DAAM1: variants seen among roughly 807,000 people sequenced by gnomAD.
The protein encoded by DAAM1 is disheveled-associated activator of morphogenesis 1.
Under a neutral mutation model 130.0 loss-of-function variants are expected in DAAM1, and 52 were observed. That is an observed-to-expected ratio of 0.40 (90% CI 0.32 to 0.50). The LOEUF (loss-of-function observed/expected upper bound fraction) is 0.50. Among genes scored for constraint, DAAM1 ranks in the 20% least tolerant of loss-of-function variants. DAAM1 has a pLI of 0.61. For missense variants in DAAM1, 1,134 were observed against 1,303.8 expected, an observed-to-expected ratio of 0.87 and a Z score of 2.01; for synonymous variants, 452 against 444.5, an observed-to-expected ratio of 1.02 and a Z score of -0.21.
chr14:59,321,921 G>C (rs922370060), intron 5 of DAAM1, among the ~76,000 whole-genome samples: 3 of 152,100 alleles, frequency 2.0e-5, no homozygotes, highest in Non-Finnish European at 4.4e-5. Context: ...CTTTTCGGTG[G>C]CTTTAATATG....
intron 2 of DAAM1, among the ~76,000 whole-genome samples, chr14:59,282,350 A>G (rs1407391564): frequency 6.6e-6 from 1 of 152,184 alleles, no homozygotes; most frequent in Admixed American, 6.6e-5. Context: ...AATTTAATAG[A>G]TAGATATTCA....
At chr14:59,239,924 A>C (rs1420034788) in intron 1 of DAAM1, among the ~76,000 whole-genome samples, 1 of 152,202 alleles carries the variant, frequency 6.6e-6, no homozygotes, top group East Asian at 1.9e-4. Flanking sequence ...TGATAGGCTT[A>C]TTTAAGACTC....
At chr14:59,365,715 A>G (rs540834280) in intron 23 of DAAM1, among the ~76,000 whole-genome samples, 1 of 152,208 alleles carries the variant, frequency 6.6e-6, no homozygotes, top group Non-Finnish European at 1.5e-5. Context: ...AAAACCAATT[A>G]TAAGCTGTTT....
chr14:59,350,639 C>T lies in DAAM1; in HGVS notation c.2161-1887C>T, dbSNP rs142257452. Reference sequence around the variant, plus strand: ...CTAGAGCTCTTCTCAGGGGCACTTGCAACTTCCCTGTTGCCGGAGCCAGGG... The same window carrying T: ...CTAGAGCTCTTCTCAGGGGCACTTGTAACTTCCCTGTTGCCGGAGCCAGGG... On this transcript the variant is annotated intron_variant, in intron 17 of 24. Transcript: ENST00000360909. Among the ~76,000 whole-genome samples, 9 of 152,210 alleles carry T rather than the reference C, an allele frequency of 5.9e-5. 1 individual carries two copies. Among genetic ancestry groups the T allele is most frequent in the African/African-American group, 2.2e-4 (9 of 41,522 alleles).
chr14:59,299,860 T>C (rs1884102528), intron 3 of DAAM1: 1 of 152,096 alleles, frequency 6.6e-6, no homozygotes. Flanking sequence ...CCAGAGAAAG[T>C]CAGCCTGCAC....
intron 2 of DAAM1, among the ~76,000 whole-genome samples, chr14:59,267,526 G>T (rs1361388869): frequency 6.6e-6 from 1 of 151,920 alleles, no homozygotes; most frequent in Non-Finnish European, 1.5e-5. Context: ...GCTTTATTGA[G>T]AAATAATTCA....
Position 59,314,003 on chromosome 14 carries a change from C to G in DAAM1, c.274-1277C>G, listed in dbSNP as rs980818174. ...GGCACTGTAAGCAATAGTTACTTTG[C>G]CCCCTTGTTGTGACTACTTAAAAAA... On this transcript the variant is annotated intron_variant, in intron 3 of 24. Transcript: ENST00000360909. 2.0e-5 allele frequency among the ~76,000 whole-genome samples: 3 copies of G among 152,308 alleles called. No homozygotes were observed. In the South Asian group the frequency reaches 6.2e-4, roughly 32 times the overall value.
chr14:59,355,047 C>A (rs1352416063), intron 19 of DAAM1, 118 bp from the exon 20 acceptor site: 6 of 1,354,918 alleles, frequency 4.4e-6, no homozygotes, highest in South Asian at 1.4e-5. Context: ...ATAACTCAGT[C>A]TTACATCTTC....
intron 2 of DAAM1, among the ~76,000 whole-genome samples, chr14:59,290,353 A>G (rs568149374): frequency 6.6e-6 from 1 of 152,306 alleles, no homozygotes; most frequent in South Asian, 2.1e-4. Flanking sequence ...GGAGTTCAAC[A>G]GTTCTAAGCT....
Position 59,195,908 on chromosome 14 carries a change from G to A in DAAM1, c.-38+7140G>A, listed in dbSNP as rs141510704. 3.0e-4 allele frequency among the ~76,000 whole-genome samples: 45 copies of A among 151,024 alleles called. No homozygotes were observed. The East Asian group carries it at 7.9e-3, about 27-fold the overall frequency. On this transcript the variant is annotated intron_variant, in intron 1 of 24. Transcript: ENST00000360909. ...TCTTTTTTTTTTTTAAATTAATCAT[G>A]CTTTTGGGGACTAGACTGTACATTG...
intron 1 of DAAM1, among the ~76,000 whole-genome samples, chr14:59,203,389 A>G (rs1490430864): frequency 1.3e-5 from 2 of 152,156 alleles, no homozygotes; most frequent in Non-Finnish European, 2.9e-5. Context: ...TACAGTGCAT[A>G]TGGATGAATT....
rs781630768 is a variant in DAAM1 at position 59,323,076 on chromosome 14, G to A, written c.625G>A (p.Ala209Thr). 1.9e-6 allele frequency: 3 copies of A among 1,613,748 alleles called. No individual in the cohort carries two copies. Among genetic ancestry groups the A allele is most frequent in the Non-Finnish European group, 2.5e-6 (3 of 1,179,892 alleles). Residue 209 changes from alanine to threonine, a missense_variant, in exon 6 of 25, where the codon GCT becomes ACT. This residue lies in a region of DAAM1 where 391 missense variants were observed against 521.6 expected (regional missense o/e 0.75). Transcript: ENST00000360909. Reference sequence around the variant, plus strand: ...TCATTCTGAGAGTATTAATGTAATTGCTCAGAGTCTGAGCACAGAGAACAT... The same window carrying A: ...TCATTCTGAGAGTATTAATGTAATTACTCAGAGTCTGAGCACAGAGAACAT... Reference protein sequence around the residue: ...LAHSESINVIAQSLSTENIKT... With the variant: ...LAHSESINVITQSLSTENIKT...
At chr14:59,242,734 A>AT (rs1404666706) in intron 1 of DAAM1, among the ~76,000 whole-genome samples, 1 of 151,876 alleles carries the variant, frequency 6.6e-6, no homozygotes. Flanking sequence ...AATTTTTTGT[A>AT]TTTTTAGTAG....
At chr14:59,306,348 A>G (rs994444137) in intron 3 of DAAM1, among the ~76,000 whole-genome samples, 5 of 152,204 alleles carry the variant, frequency 3.3e-5, no homozygotes, top group Admixed American at 2.6e-4. Flanking sequence ...ATATAATAGA[A>G]TTCAATAAAT....
chr14:59,227,002 C>T (rs1888961076), intron 1 of DAAM1, among the ~76,000 whole-genome samples: 1 of 152,100 alleles, frequency 6.6e-6, no homozygotes, highest in African/African-American at 2.4e-5. Context: ...CAGATTTTTC[C>T]CCCACCTTGT....
intron 2 of DAAM1, 89 bp downstream of exon 2, chr14:59,263,749 G>A: frequency 1.3e-6 from 2 of 1,535,618 alleles, no homozygotes; most frequent in Non-Finnish European, 1.8e-6. Flanking sequence ...GGTTTGACAT[G>A]GACTTTTCCT....
At chr14:59,299,240 A>G (rs1044224617) in intron 3 of DAAM1, among the ~76,000 whole-genome samples, 1 of 152,244 alleles carries the variant, frequency 6.6e-6, no homozygotes, top group Non-Finnish European at 1.5e-5. Flanking sequence ...ATAGAAGCCA[A>G]ATAAATACTT....
At chr14:59,351,439 T>C (rs1886289681) in intron 17 of DAAM1, among the ~76,000 whole-genome samples, 1 of 152,172 alleles carries the variant, frequency 6.6e-6, no homozygotes, top group Non-Finnish European at 1.5e-5. Flanking sequence ...AAGGCCTTGC[T>C]ACTCCCTGCC....
chr14:59,198,354 C>T lies in DAAM1; in HGVS notation c.-38+9586C>T, dbSNP rs148128402. ...CCAAGTAGCTGGGATTACAGGTACC[C>T]GCCACCATGCCCAGCTAATTTTTCT... On this transcript the variant is annotated intron_variant, in intron 1 of 24. Coordinates refer to ENST00000360909, the MANE Select transcript of DAAM1 (RefSeq NM_001270520.2). 1.3e-3 allele frequency among the ~76,000 whole-genome samples: 192 copies of T among 152,016 alleles called. 1 individual carries two copies. The Middle Eastern group carries it at 0.014, about 11-fold the overall frequency.
Sources: allele counts gnomAD v4.1 joint callset (sites outside exome capture counted in the v4.1 genomes callset), GRCh38; gene constraint gnomAD v4.1.1; regional missense constraint gnomAD v4.1.1; transcripts MANE v1.5; gene names NCBI Gene and HGNC (gene_info 2026-07-23, HGNC 2026-07-21).